Variants in SLC5A4 observed in about 807,000 individuals in gnomAD.
SLC5A4 encodes solute carrier family 5 member 4.
A neutral mutation model predicts 70.3 loss-of-function variants in SLC5A4; 55 were observed. That is an observed-to-expected ratio of 0.78 (90% CI 0.63 to 0.98). The LOEUF is 0.98. SLC5A4 is among the 50% of genes least tolerant of loss of function. The pLI, the probability that SLC5A4 is intolerant of heterozygous loss-of-function variation, is 0.00. For missense variants in SLC5A4, 735 were observed against 839.2 expected (o/e 0.88, Z 1.53); for synonymous variants, 268 against 305.7 (o/e 0.88, Z 1.29).
chr22:32,250,231 G>T (rs1435265455), intron 3 of SLC5A4, among the ~76,000 whole-genome samples: 3 of 152,154 alleles, frequency 2.0e-5, no homozygotes, highest in African/African-American at 7.2e-5. Flanking sequence ...CAAACAAGAG[G>T]TGGAGGCTGG....
chr22:32,347,867 TA>T, the SLC5A4 span, among the ~76,000 whole-genome samples: 2 of 149,912 alleles, frequency 1.3e-5, no homozygotes, highest in Admixed American at 6.6e-5. Flanking sequence ...ATAATAAAAT[TA>T]AAAAAAGAAA....
chr22:32,254,227 A>C lies in SLC5A4; in HGVS notation c.136-14T>G, dbSNP rs764605842. 1 of 1,608,366 alleles carries C rather than the reference A, an allele frequency of 6.2e-7. No homozygotes were observed. Among genetic ancestry groups the C allele is most frequent in the East Asian group, 2.2e-5 (1 of 44,826 alleles). On this transcript the variant is annotated splice_polypyrimidine_tract_variant and intron_variant, in intron 1 of 14. Coordinates refer to ENST00000266086, the MANE Select transcript of SLC5A4 (RefSeq NM_014227.3). The stretch of plus-strand genomic sequence containing the variant: ...CTTCAGCATCGCCTGAGCAGAAGGG[A>C]AGACAGGTGAGGGTCAAGCCCCAGC...
At chr22:32,302,261 T>TG in the SLC5A4 span, among the ~76,000 whole-genome samples, 42,250 of 149,888 alleles carry the variant, frequency 0.28, 5,960 homozygotes, top group African/African-American at 0.33. Flanking sequence ...TTTTTTTTTT[T>TG]TGTGTCTAGC....
At chr22:32,272,462 T>G in the SLC5A4 span, 1 of 783,304 alleles carries the variant, frequency 1.3e-6, no homozygotes, top group Non-Finnish European at 2.2e-6. Flanking sequence ...GTCAGGAACT[T>G]CATCCTGGCA....
the SLC5A4 span, among the ~76,000 whole-genome samples, chr22:32,301,611 C>T: frequency 6.6e-6 from 1 of 152,084 alleles, no homozygotes; most frequent in Non-Finnish European, 1.5e-5. Flanking sequence ...TCTATAAATT[C>T]AACAAAGTCC....
At chr22:32,276,749 T>C in the SLC5A4 span, 1 of 152,208 alleles carries the variant, frequency 6.6e-6, no homozygotes, top group Non-Finnish European at 1.5e-5. Flanking sequence ...TTTGTAAAAC[T>C]GATTTGACAC....
the SLC5A4 span, among the ~76,000 whole-genome samples, chr22:32,307,728 TAGTA>T: frequency 1.3e-5 from 2 of 152,182 alleles, no homozygotes; most frequent in East Asian, 1.9e-4. Flanking sequence ...ATCTGGTACA[TAGTA>T]AGTGCACAGG....
chr22:32,328,086 C>G, the SLC5A4 span, among the ~76,000 whole-genome samples: 3,609 of 131,812 alleles, frequency 0.027, 153 homozygotes, highest in African/African-American at 0.086. Context: ...CACCAGAGCC[C>G]CCAACACACA....
At chr22:32,309,157 G>A in the SLC5A4 span, among the ~76,000 whole-genome samples, 1 of 132,854 alleles carries the variant, frequency 7.5e-6, no homozygotes, top group Non-Finnish European at 1.8e-5. Flanking sequence ...AGGCTAACAT[G>A]AGGGCAGCGA....
the SLC5A4 span, among the ~76,000 whole-genome samples, chr22:32,302,935 G>C: frequency 2.0e-5 from 3 of 152,178 alleles, no homozygotes; most frequent in Non-Finnish European, 4.4e-5. Context: ...CATCTTTGTT[G>C]AGTATTTCAA....
chr22:32,293,198 A>T, the SLC5A4 span, among the ~76,000 whole-genome samples: 1 of 152,222 alleles, frequency 6.6e-6, no homozygotes, highest in South Asian at 2.1e-4. Context: ...TATAAATAAC[A>T]TATAGTTGGT....
At chr22:32,307,721 T>G in the SLC5A4 span, among the ~76,000 whole-genome samples, 19 of 152,214 alleles carry the variant, frequency 1.2e-4, no homozygotes, top group South Asian at 2.1e-4. Context: ...GCCTGGCATC[T>G]GGTACATAGT....
At chr22:32,305,045 TCTATTTCTGGG>T in the SLC5A4 span, among the ~76,000 whole-genome samples, 8 of 152,242 alleles carry the variant, frequency 5.3e-5, no homozygotes, top group Non-Finnish European at 8.8e-5. Context: ...TTTATGTAGG[TCTATTTCTGGG>T]CTATATATTC....
intron 5 of SLC5A4, among the ~76,000 whole-genome samples, chr22:32,242,676 T>A (rs1926604918): frequency 6.6e-6 from 1 of 152,018 alleles, no homozygotes; most frequent in Non-Finnish European, 1.5e-5. Flanking sequence ...ACCACTGCAC[T>A]CCAGCCTGGG....
At chr22:32,222,964 G>C (rs902634761) in intron 13 of SLC5A4, among the ~76,000 whole-genome samples, 1 of 152,108 alleles carries the variant, frequency 6.6e-6, no homozygotes, top group African/African-American at 2.4e-5. Flanking sequence ...GAAAATCTTA[G>C]GTGGATATGC....
the SLC5A4 span, among the ~76,000 whole-genome samples, chr22:32,337,076 A>T: frequency 6.6e-6 from 1 of 152,192 alleles, no homozygotes; most frequent in Non-Finnish European, 1.5e-5. Flanking sequence ...TGTGGCACGG[A>T]GGTCAGATCA....
chr22:32,354,208 G>A, the SLC5A4 span, among the ~76,000 whole-genome samples: 1 of 51,196 alleles, frequency 2.0e-5, no homozygotes, highest in Non-Finnish European at 3.7e-5. Context: ...CCCTCTACAC[G>A]GGCAGTCTGG....
chr22:32,329,632 AGGGCTCTGGGGTGTGTGTTGG>A, the SLC5A4 span, among the ~76,000 whole-genome samples: 2 of 16,256 alleles, frequency 1.2e-4, no homozygotes, highest in Non-Finnish European at 2.0e-4. Context: ...TGTGTGTTGG[AGGGCTCTGGGGTGTGTGTTGG>A]GGGCTCTGGT....
chr22:32,243,381 C>T (rs139892481), intron 5 of SLC5A4, among the ~76,000 whole-genome samples: 83 of 152,212 alleles, frequency 5.5e-4, no homozygotes, highest in Non-Finnish European at 8.7e-4. Context: ...GACCCTAGAC[C>T]GCATCCTGTA....
Sources: gnomAD v4.1 joint callset for allele counts (sites outside exome capture counted in the v4.1 genomes callset) on GRCh38, gnomAD v4.1.1 for gene constraint, MANE v1.5 for transcripts, NCBI Gene and HGNC (gene_info 2026-07-23, HGNC 2026-07-21) for gene names.